ENOX1: variants seen among roughly 807,000 people sequenced by gnomAD.
The protein encoded by ENOX1 is ecto-NOX disulfide-thiol exchanger 1.
Under a neutral mutation model 82.5 loss-of-function variants are expected in ENOX1, and 42 were observed. That is an observed-to-expected ratio of 0.51 (90% CI 0.40 to 0.66). ENOX1 has a LOEUF of 0.66. Among genes scored for constraint, ENOX1 ranks in the 30% least tolerant of loss-of-function variants. The pLI is 0.00. For synonymous variants in ENOX1, 271 were observed against 282.2 expected, an observed-to-expected ratio of 0.96 and a Z score of 0.40; for missense variants, 608 against 811.6, an observed-to-expected ratio of 0.75 and a Z score of 3.05.
intron 3 of ENOX1, among the ~76,000 whole-genome samples, chr13:43,453,334 C>T (rs946646323): frequency 9.2e-5 from 14 of 152,220 alleles, no homozygotes; most frequent in Non-Finnish European, 1.5e-4. Flanking sequence ...CCTCTGGGCT[C>T]TGTGCACACT....
intron 1 of ENOX1, among the ~76,000 whole-genome samples, chr13:43,766,912 T>C (rs1024083425): frequency 2.0e-5 from 3 of 151,936 alleles, no homozygotes; most frequent in Admixed American, 6.6e-5. Flanking sequence ...AACTCTCAGC[T>C]CACCCAAAGA....
intron 2 of ENOX1, among the ~76,000 whole-genome samples, chr13:43,490,005 G>A (rs1489220436): frequency 1.3e-5 from 2 of 152,032 alleles, no homozygotes; most frequent in Admixed American, 6.6e-5. Context: ...GTGGCATGAC[G>A]TCGGCTCACC....
chr13:43,651,688 C>A (rs1249435951), intron 2 of ENOX1, among the ~76,000 whole-genome samples: 2 of 55,966 alleles, frequency 3.6e-5, no homozygotes, highest in African/African-American at 4.8e-5. Context: ...CATAGCGAGA[C>A]TCTGTCTAAA....
intron 12 of ENOX1, among the ~76,000 whole-genome samples, chr13:43,270,384 C>T (rs1441602445): frequency 1.3e-5 from 2 of 152,172 alleles, no homozygotes; most frequent in South Asian, 2.1e-4. Context: ...AGGACTGGTT[C>T]GAAAAGACAG....
intron 2 of ENOX1, among the ~76,000 whole-genome samples, chr13:43,565,503 G>A (rs2079878694): frequency 6.6e-6 from 1 of 152,050 alleles, no homozygotes; most frequent in African/African-American, 2.4e-5. Flanking sequence ...GGAAGCCTTG[G>A]GATCAAGAGC....
At chr13:43,325,403 T>A (rs1254381598) in intron 10 of ENOX1, among the ~76,000 whole-genome samples, 3 of 152,236 alleles carry the variant, frequency 2.0e-5, no homozygotes, top group Non-Finnish European at 2.9e-5. Context: ...TAATAAAGAA[T>A]TCATTTGGTA....
rs1331216598 is a variant in ENOX1 at position 43,562,487 on chromosome 13, A to G, written c.-218-78335T>C. The stretch of plus-strand genomic sequence containing the variant: ...GAAGAGAAGACCACAGAACAACCAG[A>G]AAACAAATAACAAAATGGCAGCAGT... On this transcript the variant is annotated intron_variant, in intron 2 of 16. Transcript: ENST00000690772. Among the ~76,000 whole-genome samples, 4 of 152,182 alleles carry G rather than the reference A, an allele frequency of 2.6e-5. No homozygotes were observed. The East Asian group carries it at 7.7e-4, about 29-fold the overall frequency.
At chr13:43,497,781 T>C (rs1170030579) in intron 2 of ENOX1, among the ~76,000 whole-genome samples, 3 of 152,106 alleles carry the variant, frequency 2.0e-5, no homozygotes, top group Non-Finnish European at 4.4e-5. Flanking sequence ...CCACCTCTAT[T>C]TCCCGTCTTT....
At chr13:43,693,894 C>G (rs2086500124) in intron 1 of ENOX1, among the ~76,000 whole-genome samples, 1 of 151,970 alleles carries the variant, frequency 6.6e-6, no homozygotes, top group South Asian at 2.1e-4. Context: ...AATTTTATTA[C>G]CCAATATTAG....
At chr13:43,509,681 G>A (rs2077294641) in intron 2 of ENOX1, among the ~76,000 whole-genome samples, 1 of 152,006 alleles carries the variant, frequency 6.6e-6, no homozygotes, top group Non-Finnish European at 1.5e-5. Flanking sequence ...GTCTGTGGAT[G>A]GTATTCTCAT....
chr13:43,539,697 T>C (rs901536013), intron 2 of ENOX1, among the ~76,000 whole-genome samples: 2 of 152,178 alleles, frequency 1.3e-5, no homozygotes, highest in Non-Finnish European at 2.9e-5. Context: ...TTTGTCATAT[T>C]ATTTAAACTT....
At chr13:43,408,413 C>G (rs1354516697) in intron 5 of ENOX1, among the ~76,000 whole-genome samples, 1 of 152,076 alleles carries the variant, frequency 6.6e-6, no homozygotes, top group Non-Finnish European at 1.5e-5. Flanking sequence ...GGGAGAAAGC[C>G]AAGTACTCAT....
At chr13:43,263,756 A>C (rs548280855) in intron 14 of ENOX1, among the ~76,000 whole-genome samples, 1 of 152,364 alleles carries the variant, frequency 6.6e-6, no homozygotes, top group East Asian at 1.9e-4. Context: ...ACTGAGGCCT[A>C]CTGCCACTTT....
intron 2 of ENOX1, among the ~76,000 whole-genome samples, chr13:43,514,471 T>C (rs1181613838): frequency 1.3e-5 from 2 of 152,160 alleles, no homozygotes; most frequent in South Asian, 2.1e-4. Context: ...CTTGTACTTG[T>C]AGCCAAACAC....
intron 2 of ENOX1, among the ~76,000 whole-genome samples, chr13:43,585,640 C>T (rs9316038): frequency 0.94 from 142,899 of 152,268 alleles, 67,649 homozygotes; most frequent in South Asian, 1. Flanking sequence ...TGCAATGGCG[C>T]GATCTCAGCT....
chr13:43,365,551 G>C (rs2050795260), intron 5 of ENOX1, among the ~76,000 whole-genome samples: 3 of 152,102 alleles, frequency 2.0e-5, no homozygotes, highest in African/African-American at 7.3e-5. Context: ...GCACCCCCTG[G>C]TCCAGGGTTC....
chr13:43,753,060 A>G (rs577257187), intron 1 of ENOX1, among the ~76,000 whole-genome samples: 120 of 152,192 alleles, frequency 7.9e-4, no homozygotes, highest in Non-Finnish European at 1.4e-3. Flanking sequence ...GGGTTTCACC[A>G]TGTTGGCCAG....
intron 1 of ENOX1, among the ~76,000 whole-genome samples, chr13:43,703,831 A>T (rs1157829560): frequency 1.3e-5 from 2 of 152,098 alleles, no homozygotes; most frequent in African/African-American, 4.8e-5. Context: ...TTCCTATTTT[A>T]AAAAATGACA....
At chr13:43,506,428 C>T (rs200901597) in intron 2 of ENOX1, among the ~76,000 whole-genome samples, 3 of 140,644 alleles carry the variant, frequency 2.1e-5, no homozygotes, top group African/African-American at 5.2e-5. Context: ...GTCGGTGTGG[C>T]GATTCCTCAG....
Sources: allele counts gnomAD v4.1 joint callset (sites outside exome capture counted in the v4.1 genomes callset), GRCh38; gene constraint gnomAD v4.1.1; transcripts MANE v1.5; gene names NCBI Gene and HGNC (gene_info 2026-07-23, HGNC 2026-07-21).